The following PDE4D variants were observed in gnomAD, a reference collection of about 807,000 sequenced individuals.
The protein encoded by PDE4D is 3',5'-cyclic-AMP phosphodiesterase 4D.
In PDE4D, 24 loss-of-function variants were observed where a neutral mutation model predicts 87.4. That is an observed-to-expected ratio of 0.27 (90% CI 0.20 to 0.39). The LOEUF (loss-of-function observed/expected upper bound fraction) is 0.39, where lower values mean the gene tolerates loss of function less well. Ranked by LOEUF, PDE4D falls within the 10% of genes least tolerant of loss-of-function variation. PDE4D has a pLI of 1.00. For synonymous variants in PDE4D, 384 were observed against 383.2 expected (o/e 1.00, Z -0.02); for missense variants, 714 against 1,041.0 (o/e 0.69, Z 4.32).
intron 1 of PDE4D, among the ~76,000 whole-genome samples, chr5:60,455,397 G>T (rs1462276905): frequency 6.6e-6 from 1 of 151,912 alleles, no homozygotes; most frequent in Admixed American, 6.6e-5. Flanking sequence ...GAGAGAAGAA[G>T]GAAAATGAGA....
At chr5:59,241,916 C>T (rs1165497131) in intron 1 of PDE4D, among the ~76,000 whole-genome samples, 1 of 152,050 alleles carries the variant, frequency 6.6e-6, no homozygotes, top group Non-Finnish European at 1.5e-5. Flanking sequence ...TTAAAGAATT[C>T]TGTATCATTT....
intron 1 of PDE4D, among the ~76,000 whole-genome samples, chr5:60,204,733 C>T (rs1207800166): frequency 1.3e-5 from 2 of 152,086 alleles, no homozygotes; most frequent in African/African-American, 4.8e-5. Context: ...CCTTTTAGTA[C>T]TTGAAGGTGG....
At chr5:59,274,050 C>T (rs1342257503) in intron 1 of PDE4D, among the ~76,000 whole-genome samples, 1 of 151,984 alleles carries the variant, frequency 6.6e-6, no homozygotes, top group African/African-American at 2.4e-5. Flanking sequence ...ATTATAAATT[C>T]TGTTTACTCA....
chr5:59,162,853 C>CCAAAAAA (rs1781328329), intron 5 of PDE4D, among the ~76,000 whole-genome samples: 1 of 121,590 alleles, frequency 8.2e-6, no homozygotes, highest in Non-Finnish European at 1.7e-5. Context: ...GACCCTGCAT[C>CCAAAAAA]AAAAAAAAAA....
intron 1 of PDE4D, among the ~76,000 whole-genome samples, chr5:60,192,404 T>C (rs941489334): frequency 1.3e-5 from 2 of 152,162 alleles, no homozygotes; most frequent in Non-Finnish European, 2.9e-5. Flanking sequence ...TTTAATGGTA[T>C]TATACACTTT....
intron 1 of PDE4D, among the ~76,000 whole-genome samples, chr5:59,714,719 T>C (rs1464630196): frequency 1.3e-5 from 2 of 152,252 alleles, no homozygotes; most frequent in Non-Finnish European, 2.9e-5. Flanking sequence ...TTTCATAGTG[T>C]TGCTGCAGGG....
chr5:59,976,085 G>A (rs1302886003), intron 3 of PDE4D, among the ~76,000 whole-genome samples: 11 of 152,106 alleles, frequency 7.2e-5, no homozygotes, highest in Non-Finnish European at 1.5e-4. Flanking sequence ...GCATACCTCA[G>A]TATACAGCAA....
At chr5:59,272,139 A>T (rs183096938) in intron 1 of PDE4D, among the ~76,000 whole-genome samples, 4 of 152,200 alleles carry the variant, frequency 2.6e-5, no homozygotes, top group African/African-American at 9.6e-5. Context: ...TTATTTTCAG[A>T]TTACATAATG....
intron 1 of PDE4D, among the ~76,000 whole-genome samples, chr5:59,790,181 C>T (rs561631366): frequency 2.6e-5 from 4 of 152,278 alleles, no homozygotes; most frequent in African/African-American, 9.6e-5. Flanking sequence ...TAAAACACAG[C>T]TCTGTCAAAT....
At chr5:60,060,567 G>T (rs1307971815) in intron 2 of PDE4D, among the ~76,000 whole-genome samples, 1 of 152,034 alleles carries the variant, frequency 6.6e-6, no homozygotes, top group Non-Finnish European at 1.5e-5. Context: ...TAGCATGCTT[G>T]CCTTTCCCTG....
intron 1 of PDE4D, among the ~76,000 whole-genome samples, chr5:60,226,002 A>G (rs999973184): frequency 2.0e-5 from 3 of 152,138 alleles, no homozygotes; most frequent in Non-Finnish European, 4.4e-5. Context: ...ATCAATAAGT[A>G]TATGGATATG....
chr5:59,285,085 A>C (rs1404041469), intron 1 of PDE4D, among the ~76,000 whole-genome samples: 5 of 106,224 alleles, frequency 4.7e-5, no homozygotes, highest in Non-Finnish European at 7.6e-5. Context: ...GGGGGGAGGG[A>C]TAGCATTGGG....
At chr5:60,471,778 T>TA (rs1474184565) in intron 1 of PDE4D, among the ~76,000 whole-genome samples, 2 of 152,190 alleles carry the variant, frequency 1.3e-5, no homozygotes, top group Admixed American at 1.3e-4. Flanking sequence ...TCAACTACAG[T>TA]ATACTAGAAA....
intron 1 of PDE4D, among the ~76,000 whole-genome samples, chr5:59,757,635 G>C (rs991136686): frequency 6.6e-6 from 1 of 152,142 alleles, no homozygotes; most frequent in Non-Finnish European, 1.5e-5. Flanking sequence ...GCAGTTTGCT[G>C]TTCTGTTGCT....
At chr5:60,121,752 C>T (rs768501143) in intron 2 of PDE4D, among the ~76,000 whole-genome samples, 1 of 152,176 alleles carries the variant, frequency 6.6e-6, no homozygotes, top group Non-Finnish European at 1.5e-5. Flanking sequence ...CTCACGTCCT[C>T]ACATTTCAAA....
intron 2 of PDE4D, among the ~76,000 whole-genome samples, chr5:60,079,372 T>C (rs1187917089): frequency 6.6e-6 from 1 of 152,224 alleles, no homozygotes; most frequent in Non-Finnish European, 1.5e-5. Context: ...AGAAGCTCTT[T>C]AGTTTAATTA....
intron 5 of PDE4D, among the ~76,000 whole-genome samples, chr5:59,083,598 T>TC (rs1258173591): frequency 1.2e-5 from 1 of 86,908 alleles, no homozygotes; most frequent in East Asian, 5.6e-4. Context: ...ACATATATAT[T>TC]CAGTATTCTG....
At chr5:59,567,981 A>C (rs1450182220) in intron 1 of PDE4D, among the ~76,000 whole-genome samples, 1 of 152,230 alleles carries the variant, frequency 6.6e-6, no homozygotes, top group Non-Finnish European at 1.5e-5. Context: ...CCAAAAGGAA[A>C]TGACAACCCA....
intron 1 of PDE4D, among the ~76,000 whole-genome samples, chr5:60,239,979 A>T (rs1178601087): frequency 2.6e-5 from 4 of 152,232 alleles, no homozygotes; most frequent in Admixed American, 2.0e-4. Context: ...ACCCGAAGTC[A>T]TTCTTCTCTT....
Sources: gnomAD v4.1 joint callset for allele counts (sites outside exome capture counted in the v4.1 genomes callset) on GRCh38, gnomAD v4.1.1 for gene constraint, MANE v1.5 for transcripts, NCBI Gene and HGNC (gene_info 2026-07-23, HGNC 2026-07-21) for gene names.